STARD3NL: variants seen among roughly 807,000 people sequenced by gnomAD.
STARD3NL encodes STARD3 N-terminal-like protein.
Under a neutral mutation model 30.9 loss-of-function variants are expected in STARD3NL, and 17 were observed. That is an observed-to-expected ratio of 0.55 (90% CI 0.38 to 0.82). The LOEUF is 0.82. Ranked by LOEUF, STARD3NL falls within the 40% of genes least tolerant of loss-of-function variation. The pLI is 0.00. For missense variants in STARD3NL, 234 were observed against 277.6 expected (o/e 0.84, Z 1.12); for synonymous variants, 112 against 100.5 (o/e 1.11, Z -0.69).
At chr7:38,215,177 G>A (rs1157841518) in intron 4 of STARD3NL, 72 bp downstream of exon 4, 2 of 1,437,850 alleles carry the variant, frequency 1.4e-6, no homozygotes, top group Non-Finnish European at 1.9e-6. Context: ...AACAGGCCTG[G>A]GCTGGGAGAA....
chr7:38,213,667 T>A (rs1785938016), intron 2 of STARD3NL, among the ~76,000 whole-genome samples: 1 of 152,208 alleles, frequency 6.6e-6, no homozygotes, highest in Admixed American at 6.5e-5. Context: ...CTTGATTTTT[T>A]AAAAGTATTA....
intron 1 of STARD3NL, among the ~76,000 whole-genome samples, chr7:38,189,516 A>G (rs138711716): frequency 3.2e-4 from 49 of 152,306 alleles, no homozygotes; most frequent in African/African-American, 1.2e-3. Context: ...TGAAGGAGCA[A>G]CTTGGCTTGT....
chr7:38,197,138 TTCTTTC>T (rs1396613648), intron 1 of STARD3NL, among the ~76,000 whole-genome samples: 3 of 106,604 alleles, frequency 2.8e-5, no homozygotes, highest in African/African-American at 1.4e-4. Flanking sequence ...ATTACCTTTT[TTCTTTC>T]TTTCTTTCTT....
chr7:38,187,943 G>A (rs952480159), intron 1 of STARD3NL, among the ~76,000 whole-genome samples: 2 of 151,936 alleles, frequency 1.3e-5, no homozygotes, highest in African/African-American at 4.8e-5. Flanking sequence ...CTAATCTGTC[G>A]CCAAATGCTT....
intron 6 of STARD3NL, among the ~76,000 whole-genome samples, chr7:38,218,696 C>T (rs1017984282): frequency 3.9e-5 from 6 of 152,278 alleles, no homozygotes; most frequent in African/African-American, 7.2e-5. Flanking sequence ...GTGCTTCCTC[C>T]GACTTTATCC....
intron 1 of STARD3NL, among the ~76,000 whole-genome samples, chr7:38,206,057 C>T (rs1035536489): frequency 1.3e-5 from 2 of 152,148 alleles, no homozygotes; most frequent in Non-Finnish European, 1.5e-5. Context: ...ATGAGAAAGA[C>T]TTTTGTTCCT....
rs1405431728 is a variant in STARD3NL, at chr7:38,230,472, A to G, written c.*567A>G. 1 of 152,478 alleles carries G rather than the reference A, an allele frequency of 6.6e-6. No homozygotes were observed. The highest frequency in any genetic ancestry group is 1.5e-5 in the Non-Finnish European group (1 of 68,038). The allele number at this position is 152,478 out of a possible 1,614,324, so 9.4% of individuals were successfully genotyped here. A position where few individuals can be genotyped will look rare whatever the true frequency, so the allele number is the denominator to read the frequency against. ...GTATGGCCTGAAGTGTTGGACTTGC[A>G]AAAGGGGAAGAAAGGAATTGCGAAT... On this transcript the variant is annotated 3_prime_UTR_variant, in exon 9 of 9. Coordinates refer to ENST00000009041, the MANE Select transcript of STARD3NL (RefSeq NM_032016.4).
At position 38,226,598 on chromosome 7, in the gene STARD3NL, C is replaced by G. The variant is rs113996287; in HGVS notation, c.650-2201C>G. On this transcript the variant is annotated intron_variant, in intron 7 of 8. Transcript: ENST00000009041. ...TTTCTGCTAAGTCCTTTCCTGCTCT[C>G]TCTGCGTATGCTTAGAGCTCAGGCT... 7.7e-3 allele frequency among the ~76,000 whole-genome samples: 1,180 copies of G among 152,342 alleles called. 13 individuals carry two copies. Among genetic ancestry groups the G allele is most frequent in the African/African-American group, 0.028 (1,148 of 41,568 alleles).
At chr7:38,227,058 A>G (rs187789595) in intron 7 of STARD3NL, among the ~76,000 whole-genome samples, 229 of 152,312 alleles carry the variant, frequency 1.5e-3, no homozygotes, top group Non-Finnish European at 2.3e-3. Context: ...CCATTTTGCC[A>G]CATTTTGGGG....
chr7:38,225,453 G>A (rs2116436329), intron 7 of STARD3NL, among the ~76,000 whole-genome samples: 2 of 152,178 alleles, frequency 1.3e-5, no homozygotes, highest in Admixed American at 1.3e-4. Context: ...TCTTCTAAAA[G>A]GTTTTTTAGT....
At chr7:38,212,719 A>C (rs1253736009) in intron 2 of STARD3NL, among the ~76,000 whole-genome samples, 1 of 152,184 alleles carries the variant, frequency 6.6e-6, no homozygotes, top group Admixed American at 6.5e-5. Context: ...AATAGGAAGG[A>C]AAGAACTAAC....
intron 1 of STARD3NL, among the ~76,000 whole-genome samples, chr7:38,191,487 T>C (rs1329449172): frequency 6.6e-6 from 1 of 152,212 alleles, no homozygotes; most frequent in South Asian, 2.1e-4. Context: ...AAAAAAATTG[T>C]CCTACACATT....
chr7:38,201,303 A>G (rs562967136), intron 1 of STARD3NL, among the ~76,000 whole-genome samples: 1 of 152,322 alleles, frequency 6.6e-6, no homozygotes, highest in East Asian at 1.9e-4. Flanking sequence ...AAAATAATGT[A>G]ATGATTCTCA....
rs895112653 is a variant in STARD3NL, at chr7:38,206,832, A to G, written c.-58-615A>G. Among the ~76,000 whole-genome samples the G allele has an allele frequency of 4.6e-5, 7 of 152,240 alleles. No individual in the cohort carries two copies. In the East Asian group the frequency reaches 1.4e-3, roughly 29 times the overall value. ...GTTACCCAGGCTGGAGTCCAGTGGC[A>G]TGATCATAGCTCACTATAACCTCAA... is the stretch of plus-strand genomic sequence containing the variant. On this transcript the variant is annotated intron_variant, in intron 1 of 8. Coordinates refer to ENST00000009041, the MANE Select transcript of STARD3NL (RefSeq NM_032016.4).
rs377185314 is a variant in STARD3NL at position 38,195,823 on chromosome 7, C to T, written c.-58-11624C>T. Among the ~76,000 whole-genome samples, 35 of 152,250 alleles carry T rather than the reference C, an allele frequency of 2.3e-4. No homozygotes were observed. In the South Asian group the frequency reaches 3.9e-3, roughly 17 times the overall value. On this transcript the variant is annotated intron_variant, in intron 1 of 8. Coordinates refer to ENST00000009041, the MANE Select transcript of STARD3NL (RefSeq NM_032016.4). ...TGTCTGAATGATATCTCTAGAAGTT[C>T]CCAAAGAGTAGTTTGTAGCTGATGG...
rs1259465319 is a variant in STARD3NL at position 38,201,351 on chromosome 7, CT to C, written c.-58-6089del. 5.9e-5 allele frequency among the ~76,000 whole-genome samples: 9 copies of C among 152,060 alleles called. No homozygotes were observed. The East Asian group carries it at 1.5e-3, about 26-fold the overall frequency. Reference sequence around the variant, plus strand: ...TGTATTTCCATTGTGTATTTAATGTCTTTTTTTATTTTGAAATATATTTCAC... The same window carrying C: ...TGTATTTCCATTGTGTATTTAATGTCTTTTTTATTTTGAAATATATTTCAC... On this transcript the variant is annotated intron_variant, in intron 1 of 8. Coordinates refer to ENST00000009041, the MANE Select transcript of STARD3NL (RefSeq NM_032016.4).
At chr7:38,192,202 T>G (rs547792444) in intron 1 of STARD3NL, among the ~76,000 whole-genome samples, 31 of 152,302 alleles carry the variant, frequency 2.0e-4, no homozygotes, top group South Asian at 4.1e-4. Flanking sequence ...GTGTCTAGTC[T>G]TTTCCCACTC....
intron 1 of STARD3NL, among the ~76,000 whole-genome samples, chr7:38,205,888 TA>T (rs1404271453): frequency 6.6e-6 from 1 of 152,212 alleles, no homozygotes; most frequent in African/African-American, 2.4e-5. Context: ...TTTAAGGCCA[TA>T]GATCAGTTTT....
At chr7:38,203,733 C>T (rs1054683765) in intron 1 of STARD3NL, among the ~76,000 whole-genome samples, 5 of 152,130 alleles carry the variant, frequency 3.3e-5, no homozygotes, top group African/African-American at 7.2e-5. Context: ...TCAGGAAACC[C>T]GTCTCACGTG....
Sources: gnomAD v4.1 joint callset for allele counts (sites outside exome capture counted in the v4.1 genomes callset) on GRCh38, gnomAD v4.1.1 for gene constraint, MANE v1.5 for transcripts, NCBI Gene and HGNC (gene_info 2026-07-23, HGNC 2026-07-21) for gene names.